Variants in CNTNAP2 observed in about 807,000 individuals in gnomAD.
CNTNAP2 encodes contactin-associated protein-like 2.
A neutral mutation model predicts 155.2 loss-of-function variants in CNTNAP2; 98 were observed. That is an observed-to-expected ratio of 0.63 (90% CI 0.54 to 0.75). The LOEUF is 0.75. Among genes scored for constraint, CNTNAP2 ranks in the 30% least tolerant of loss-of-function variants. The pLI is 0.00. For synonymous variants in CNTNAP2, 651 were observed against 631.2 expected (o/e 1.03, Z -0.47); for missense variants, 1,727 against 1,688.1 (o/e 1.02, Z -0.40).
chr7:147,518,506 T>A (rs1799171823), intron 11 of CNTNAP2, among the ~76,000 whole-genome samples: 1 of 152,214 alleles, frequency 6.6e-6, no homozygotes. Context: ...ACAGATGCTA[T>A]GAGAACATAT....
intron 11 of CNTNAP2, among the ~76,000 whole-genome samples, chr7:147,542,068 A>G (rs974226959): frequency 1.3e-5 from 2 of 152,070 alleles, no homozygotes; most frequent in East Asian, 1.9e-4. Context: ...GTGTTTTTCC[A>G]ATTATATCTT....
At chr7:147,476,535 C>T (rs771052146) in intron 10 of CNTNAP2, among the ~76,000 whole-genome samples, 1 of 152,182 alleles carries the variant, frequency 6.6e-6, no homozygotes, top group African/African-American at 2.4e-5. Context: ...CTCTATCTCT[C>T]ATCTTCCTTC....
rs769879565 is a variant in CNTNAP2, at chr7:148,036,601, C to A, written c.2383+58612C>A. ...TTGGATGTCCCAGGCTCCAAAGGGACGTTTTCATTCCAATGGAATGAAAAA... is the reference window on the plus strand; with the variant it reads ...TTGGATGTCCCAGGCTCCAAAGGGAAGTTTTCATTCCAATGGAATGAAAAA... On this transcript the variant is annotated intron_variant, in intron 15 of 23. Transcript: ENST00000361727. 5.3e-5 allele frequency among the ~76,000 whole-genome samples: 8 copies of A among 152,108 alleles called. 2 individuals are homozygous for A. The highest frequency in any genetic ancestry group is 2.4e-5 in the African/African-American group (1 of 41,488).
chr7:147,931,977 C>T, intron 14 of CNTNAP2, among the ~76,000 whole-genome samples: 1 of 152,070 alleles, frequency 6.6e-6, no homozygotes, highest in Non-Finnish European at 1.5e-5. Flanking sequence ...CCTCCGCCTC[C>T]CGTGCTCAGG....
chr7:148,170,464 G>A (rs1378805815), intron 17 of CNTNAP2, among the ~76,000 whole-genome samples: 1 of 152,222 alleles, frequency 6.6e-6, no homozygotes, highest in Non-Finnish European at 1.5e-5. Flanking sequence ...CAGCGTAGAG[G>A]TGTGAAGCCC....
intron 2 of CNTNAP2, among the ~76,000 whole-genome samples, chr7:146,826,050 CT>C (rs1803393980): frequency 6.6e-6 from 1 of 151,982 alleles, no homozygotes; most frequent in African/African-American, 2.4e-5. Context: ...CCAGTGATGT[CT>C]TTTAGAGCTG....
intron 1 of CNTNAP2, among the ~76,000 whole-genome samples, chr7:146,492,170 T>C (rs1417535227): frequency 1.4e-5 from 2 of 143,454 alleles, no homozygotes; most frequent in South Asian, 2.2e-4. Flanking sequence ...CACTGCCAAA[T>C]GGAAATGTTT....
chr7:148,147,549 G>A lies in CNTNAP2; in HGVS notation c.2613G>A (p.Val871=), dbSNP rs760814441. The A allele has an allele frequency of 1.2e-6, 2 of 1,614,066 alleles. No homozygotes were observed. Among genetic ancestry groups the A allele is most frequent in the Non-Finnish European group, 1.7e-6 (2 of 1,180,002 alleles). Residue 871 remains valine, a synonymous_variant, in exon 17 of 24, where the codon GTG becomes GTA. Coordinates refer to ENST00000361727, the MANE Select transcript of CNTNAP2 (RefSeq NM_014141.6). ...DVGNGPVEIV[V]RSPTPLNDDQ... is the part of the protein sequence containing the mutation. ...GAAATGGGCCAGTAGAGATTGTAGTGAGGTCACCAACCCCTCTCAACGATG... is the reference window on the plus strand; with the variant it reads ...GAAATGGGCCAGTAGAGATTGTAGTAAGGTCACCAACCCCTCTCAACGATG...
chr7:146,973,463 C>A (rs539660858), intron 3 of CNTNAP2, among the ~76,000 whole-genome samples: 23 of 152,298 alleles, frequency 1.5e-4, no homozygotes, highest in African/African-American at 3.8e-4. Flanking sequence ...TGTACGATAA[C>A]CTCCTTTGCA....
intron 8 of CNTNAP2, among the ~76,000 whole-genome samples, chr7:147,221,648 T>A (rs566613493): frequency 3.3e-5 from 5 of 152,254 alleles, no homozygotes; most frequent in African/African-American, 1.2e-4. Flanking sequence ...TAAGAAAAAA[T>A]TTTAATTTTA....
intron 1 of CNTNAP2, among the ~76,000 whole-genome samples, chr7:146,691,731 A>G (rs1472843587): frequency 6.6e-6 from 1 of 152,110 alleles, no homozygotes; most frequent in Non-Finnish European, 1.5e-5. Flanking sequence ...CCATACTACC[A>G]ACCCCGAAAC....
At chr7:146,902,353 C>T (rs1488050653) in intron 3 of CNTNAP2, among the ~76,000 whole-genome samples, 1 of 152,152 alleles carries the variant, frequency 6.6e-6, no homozygotes, top group African/African-American at 2.4e-5. Context: ...TTTGTTTCTT[C>T]ATCCATATTT....
chr7:148,342,152 G>A (rs1000575835), intron 21 of CNTNAP2, among the ~76,000 whole-genome samples: 6 of 152,174 alleles, frequency 3.9e-5, no homozygotes, highest in African/African-American at 1.4e-4. Context: ...TCTCTGCTGC[G>A]GTGGTTTATC....
intron 1 of CNTNAP2, among the ~76,000 whole-genome samples, chr7:146,329,869 A>G (rs1019155764): frequency 4.6e-5 from 7 of 152,116 alleles, no homozygotes; most frequent in African/African-American, 1.7e-4. Flanking sequence ...AGTCTTCACT[A>G]CCTACTGCAT....
chr7:147,823,758 C>T (rs748004610), intron 13 of CNTNAP2, among the ~76,000 whole-genome samples: 25 of 151,810 alleles, frequency 1.6e-4, no homozygotes, highest in Non-Finnish European at 2.8e-4. Context: ...AGAATATGCC[C>T]ATAGGTGAAT....
chr7:148,062,011 T>TGATAGAGAGAGAGAG (rs1554468163), intron 15 of CNTNAP2, among the ~76,000 whole-genome samples: 15 of 84,174 alleles, frequency 1.8e-4, no homozygotes, highest in South Asian at 4.2e-4. Flanking sequence ...AGATAGATGA[T>TGATAGAGAGAGAGAG]AGAGAGAGAG....
At chr7:148,413,917 ACTGTTGAC>A (rs1436645790) in intron 23 of CNTNAP2, among the ~76,000 whole-genome samples, 2 of 151,716 alleles carry the variant, frequency 1.3e-5, no homozygotes, top group Non-Finnish European at 2.9e-5. Context: ...CCACCCTTTT[ACTGTTGAC>A]CTGTATTTAA....
intron 1 of CNTNAP2, among the ~76,000 whole-genome samples, chr7:146,379,893 A>G (rs2129104648): frequency 6.6e-6 from 1 of 152,302 alleles, no homozygotes; most frequent in African/African-American, 2.4e-5. Flanking sequence ...ATTTTTTTGT[A>G]GCTTTCAAAT....
intron 13 of CNTNAP2, among the ~76,000 whole-genome samples, chr7:147,891,221 T>G (rs76320237): frequency 0.011 from 1,667 of 151,354 alleles, 86 homozygotes; most frequent in Admixed American, 0.091. Flanking sequence ...TTTTTTTTTT[T>G]TGAGACGGAG....
Sources: gnomAD v4.1 joint callset for allele counts (sites outside exome capture counted in the v4.1 genomes callset) on GRCh38, gnomAD v4.1.1 for gene constraint, MANE v1.5 for transcripts, NCBI Gene and HGNC (gene_info 2026-07-23, HGNC 2026-07-21) for gene names.